PIK3AP1: variants seen among roughly 807,000 people sequenced by gnomAD.
PIK3AP1 encodes phosphoinositide 3-kinase adapter protein 1.
Under a neutral mutation model 88.1 loss-of-function variants are expected in PIK3AP1, and 21 were observed. That is an observed-to-expected ratio of 0.24 (90% CI 0.17 to 0.34). The LOEUF is 0.34. Ranked by LOEUF, PIK3AP1 falls within the 10% of genes least tolerant of loss-of-function variation. The pLI is 1.00. For missense variants in PIK3AP1, 828 were observed against 1,035.7 expected (o/e 0.80, Z 2.75); for synonymous variants, 398 against 400.0 (o/e 1.00, Z 0.06).
At chr10:96,612,990 T>A (rs1402482743) in intron 13 of PIK3AP1, among the ~76,000 whole-genome samples, 11 of 38,258 alleles carry the variant, frequency 2.9e-4, no homozygotes, top group African/African-American at 9.8e-4. Flanking sequence ...ATATTTTTTT[T>A]TTTTTTTTTT....
intron 7 of PIK3AP1, among the ~76,000 whole-genome samples, chr10:96,646,105 CA>C (rs1843456024): frequency 6.6e-6 from 1 of 152,128 alleles, no homozygotes; most frequent in South Asian, 2.1e-4. Context: ...ACTAAAAATA[CA>C]AAAATTAGCC....
chr10:96,606,272 C>T (rs558984183), intron 14 of PIK3AP1, among the ~76,000 whole-genome samples: 153 of 152,322 alleles, frequency 1.0e-3, no homozygotes, highest in South Asian at 3.5e-3. Context: ...TCCCCACATT[C>T]CCCCAACTAA....
intron 11 of PIK3AP1, 82 bp downstream of exon 11, chr10:96,623,390 G>A (rs60138313): frequency 0.055 from 71,362 of 1,301,478 alleles, 2,742 homozygotes; most frequent in African/African-American, 0.15. Flanking sequence ...CAATGTCAAG[G>A]AGCTATTGTT....
intron 2 of PIK3AP1, among the ~76,000 whole-genome samples, chr10:96,659,504 G>T (rs913327036): frequency 6.6e-6 from 1 of 151,974 alleles, no homozygotes; most frequent in South Asian, 2.1e-4. Context: ...GAAATTTTAT[G>T]AAACACATTG....
chr10:96,628,508 A>C lies in PIK3AP1; in HGVS notation c.1376-15T>G. The stretch of plus-strand genomic sequence containing the variant: ...CATTTCAACATCTAGAAGGAAAAGG[A>C]GACTAAGAGTTATATATTGGTCTCC... On this transcript the variant is annotated splice_polypyrimidine_tract_variant and intron_variant, in intron 8 of 16. Coordinates refer to ENST00000339364, the MANE Select transcript of PIK3AP1 (RefSeq NM_152309.3). The C allele has an allele frequency of 1.3e-6, 2 of 1,588,228 alleles. No individual in the cohort carries two copies. The highest frequency in any genetic ancestry group is 1.7e-6 in the Non-Finnish European group (2 of 1,156,520).
At chr10:96,658,418 G>A (rs1843643599) in intron 2 of PIK3AP1, among the ~76,000 whole-genome samples, 1 of 152,126 alleles carries the variant, frequency 6.6e-6, no homozygotes, top group Admixed American at 6.5e-5. Flanking sequence ...TTTCACCCTA[G>A]ACCCCAGGTC....
chr10:96,684,856 A>G (rs1251368951), intron 2 of PIK3AP1, among the ~76,000 whole-genome samples: 2 of 152,228 alleles, frequency 1.3e-5, no homozygotes, highest in East Asian at 3.8e-4. Flanking sequence ...GCACTCTCTG[A>G]TAGATGTTGC....
At chr10:96,676,037 G>A (rs1401709504) in intron 2 of PIK3AP1, among the ~76,000 whole-genome samples, 5 of 152,128 alleles carry the variant, frequency 3.3e-5, no homozygotes, top group African/African-American at 1.2e-4. Context: ...TTCCATGAGG[G>A]GTTGCCAGGG....
intron 2 of PIK3AP1, among the ~76,000 whole-genome samples, chr10:96,689,123 A>G (rs1844116412): frequency 6.6e-6 from 1 of 152,126 alleles, no homozygotes; most frequent in African/African-American, 2.4e-5. Flanking sequence ...TAACCTTCAT[A>G]ATCATTTTTC....
intron 2 of PIK3AP1, among the ~76,000 whole-genome samples, chr10:96,665,748 ATG>A (rs951546665): frequency 1.3e-5 from 2 of 152,212 alleles, no homozygotes; most frequent in African/African-American, 4.8e-5. Flanking sequence ...GCTATGCTAA[ATG>A]TCAGAGGTTA....
At chr10:96,612,359 T>G (rs142910172) in intron 13 of PIK3AP1, among the ~76,000 whole-genome samples, 1 of 152,314 alleles carries the variant, frequency 6.6e-6, no homozygotes, top group African/African-American at 2.4e-5. Context: ...GGCAAGTTAT[T>G]AAGAACAGTC....
At position 96,645,660 on chromosome 10, in the gene PIK3AP1, T is replaced by C. The variant is rs779129913; in HGVS notation, c.1188A>G (p.Glu396=). 1.3e-6 allele frequency: 2 copies of C among 1,586,578 alleles called. No homozygotes were observed. The highest frequency in any genetic ancestry group is 1.7e-6 in the Non-Finnish European group (2 of 1,166,912). The part of the protein sequence containing the change: ...DLRQFIDEYV[E]TVDMLKSHIK... ...TGTGACTCTTGAGCATGTCCACCGT[T>C]TCCTGAAAGAGAAGATGAGGCCCAC... is the stretch of plus-strand genomic sequence containing the variant. The change falls in exon 8 of 17, where the codon GAA becomes GAG. Residue 396 remains glutamate, a splice_region_variant and synonymous_variant. Transcript: ENST00000339364.
chr10:96,628,811 A>G (rs1272357500), intron 8 of PIK3AP1, among the ~76,000 whole-genome samples: 1 of 149,968 alleles, frequency 6.7e-6, no homozygotes, highest in East Asian at 2.0e-4. Context: ...AAAAAATGGA[A>G]GCAGGAATAC....
chr10:96,683,318 C>T (rs1016480180), intron 2 of PIK3AP1, among the ~76,000 whole-genome samples: 1 of 152,136 alleles, frequency 6.6e-6, no homozygotes, highest in Non-Finnish European at 1.5e-5. Context: ...GGAGAGTACG[C>T]CACAGATAAA....
At chr10:96,604,888 T>C (rs1848975666) in intron 14 of PIK3AP1, among the ~76,000 whole-genome samples, 1 of 151,330 alleles carries the variant, frequency 6.6e-6, no homozygotes, top group East Asian at 1.9e-4. Flanking sequence ...GAGACTGAGT[T>C]TTGCTTTGTT....
At chr10:96,682,707 T>C (rs1844019392) in intron 2 of PIK3AP1, among the ~76,000 whole-genome samples, 1 of 152,170 alleles carries the variant, frequency 6.6e-6, no homozygotes, top group African/African-American at 2.4e-5. Flanking sequence ...AAGCCTCACC[T>C]CTGGTCTCTA....
chr10:96,679,456 A>G (rs1043100468), intron 2 of PIK3AP1, among the ~76,000 whole-genome samples: 1 of 151,978 alleles, frequency 6.6e-6, no homozygotes, highest in African/African-American at 2.4e-5. Context: ...TGGACCTGGG[A>G]GGCGGAAGTT....
At chr10:96,708,078 C>A (rs767094703) in intron 2 of PIK3AP1, among the ~76,000 whole-genome samples, 2 of 152,108 alleles carry the variant, frequency 1.3e-5, no homozygotes, top group Admixed American at 6.6e-5. Context: ...TTAGTAAATT[C>A]TTGATTTCAT....
At chr10:96,676,842 G>T (rs1217464206) in intron 2 of PIK3AP1, among the ~76,000 whole-genome samples, 2 of 152,002 alleles carry the variant, frequency 1.3e-5, no homozygotes, top group Non-Finnish European at 2.9e-5. Flanking sequence ...TTTCCGTATT[G>T]AGCTGGAATC....
Sources: gnomAD v4.1 joint callset for allele counts (sites outside exome capture counted in the v4.1 genomes callset) on GRCh38, gnomAD v4.1.1 for gene constraint, MANE v1.5 for transcripts, NCBI Gene and HGNC (gene_info 2026-07-23, HGNC 2026-07-21) for gene names.